CSMD1: variants seen among roughly 807,000 people sequenced by gnomAD.
The protein encoded by CSMD1 is CUB and Sushi multiple domains 1, also known as CUB and sushi domain-containing protein 1.
CSMD1 carries 213 observed loss-of-function variants against 417.5 expected under a neutral mutation model. The observed-to-expected ratio is 0.51, with a 90% CI of 0.46 to 0.57. CSMD1 has a LOEUF of 0.57. Ranked by LOEUF, CSMD1 falls within the 20% of genes least tolerant of loss-of-function variation. The pLI, the probability that CSMD1 is intolerant of heterozygous loss-of-function variation, is 0.00. For missense variants in CSMD1, 6,923 were observed against 4,529.7 expected (o/e 1.53, Z -15.17); for synonymous variants, 2,862 against 1,736.8 (o/e 1.65, Z -16.11).
At chr8:4,408,962 A>C (rs962351049) in intron 3 of CSMD1, among the ~76,000 whole-genome samples, 2 of 152,236 alleles carry the variant, frequency 1.3e-5, no homozygotes, top group African/African-American at 4.8e-5. Context: ...AAATTCAGAA[A>C]GGGAAATGAA....
Position 4,614,471 on chromosome 8 carries a change from T to A in CSMD1, c.302+22871A>T, listed in dbSNP as rs188688534. Among the ~76,000 whole-genome samples, 227 of 152,290 alleles carry A rather than the reference T, an allele frequency of 1.5e-3. 1 individual carries two copies. Among genetic ancestry groups the A allele is most frequent in the African/African-American group, 5.2e-3 (218 of 41,556 alleles). The stretch of plus-strand genomic sequence containing the variant: ...TTTTTATTTGGGCCTTAGTAAATTA[T>A]GTCACCTCTAAACTGATCTCTTTAT... On this transcript the variant is annotated intron_variant, in intron 2 of 69. Coordinates refer to ENST00000635120, the MANE Select transcript of CSMD1 (RefSeq NM_033225.6).
chr8:4,124,798 C>A (rs538353226), intron 3 of CSMD1, among the ~76,000 whole-genome samples: 1 of 152,274 alleles, frequency 6.6e-6, no homozygotes, highest in Admixed American at 6.5e-5. Context: ...GCTCTAGTTG[C>A]AGCCTGATGT....
chr8:4,942,592 A>T (rs1240595043), intron 1 of CSMD1, among the ~76,000 whole-genome samples: 1 of 152,232 alleles, frequency 6.6e-6, no homozygotes, highest in African/African-American at 2.4e-5. Flanking sequence ...TCTAATGACT[A>T]AGTCATCAAG....
intron 5 of CSMD1, among the ~76,000 whole-genome samples, chr8:3,849,119 T>C (rs1803705554): frequency 6.6e-6 from 1 of 152,072 alleles, no homozygotes; most frequent in African/African-American, 2.4e-5. Context: ...AAAGTTACAC[T>C]GAAAGACAAG....
chr8:3,836,735 C>T (rs1444576655), intron 5 of CSMD1, among the ~76,000 whole-genome samples: 1 of 151,980 alleles, frequency 6.6e-6, no homozygotes, highest in Non-Finnish European at 1.5e-5. Context: ...TTTCAAGAGA[C>T]AATGAAATTC....
intron 3 of CSMD1, among the ~76,000 whole-genome samples, chr8:4,064,499 T>C (rs910122335): frequency 1.3e-5 from 2 of 152,228 alleles, no homozygotes; most frequent in African/African-American, 2.4e-5. Context: ...TGCCTGCAAA[T>C]GTGAGGCAGG....
intron 30 of CSMD1, among the ~76,000 whole-genome samples, 168 bp downstream of exon 30, chr8:3,214,329 G>T (rs143835150): frequency 1.3e-5 from 2 of 152,128 alleles, no homozygotes; most frequent in Non-Finnish European, 2.9e-5. Flanking sequence ...CACACTAGCT[G>T]CATTAAATGA....
chr8:4,373,088 G>A (rs910918060), intron 3 of CSMD1, among the ~76,000 whole-genome samples: 20 of 152,160 alleles, frequency 1.3e-4, no homozygotes, highest in Non-Finnish European at 2.4e-4. Context: ...TGTGTGGTCT[G>A]TCTCCCAAAA....
chr8:3,631,107 A>C lies in CSMD1; in HGVS notation c.1010-14310T>G, dbSNP rs544327724. Among the ~76,000 whole-genome samples, 9 of 152,324 alleles carry C rather than the reference A, an allele frequency of 5.9e-5. No individual in the cohort carries two copies. The South Asian group carries it at 1.9e-3, about 32-fold the overall frequency. On this transcript the variant is annotated intron_variant, in intron 7 of 69. Transcript: ENST00000635120. ...GTCTTCCTGTCACAGCCTGCTCAGCACACAGGTATCAGCTCAGATGTCATC... is the reference window on the plus strand; with the variant it reads ...GTCTTCCTGTCACAGCCTGCTCAGCCCACAGGTATCAGCTCAGATGTCATC...
At chr8:3,850,831 G>GATAA (rs1258298749) in intron 5 of CSMD1, among the ~76,000 whole-genome samples, 2 of 152,104 alleles carry the variant, frequency 1.3e-5, no homozygotes, top group African/African-American at 4.8e-5. Context: ...GTTACTGAAG[G>GATAA]ATAAAAAATG....
chr8:4,909,073 G>C (rs1035005597), intron 1 of CSMD1, among the ~76,000 whole-genome samples: 8 of 152,210 alleles, frequency 5.3e-5, no homozygotes, highest in African/African-American at 1.9e-4. Context: ...TGTGTTAATC[G>C]GACTAGGAGT....
At chr8:3,473,630 A>T (rs934875509) in intron 11 of CSMD1, among the ~76,000 whole-genome samples, 2 of 152,216 alleles carry the variant, frequency 1.3e-5, no homozygotes, top group Non-Finnish European at 2.9e-5. Flanking sequence ...CCTGAAAAAT[A>T]AAATAGATAC....
chr8:3,135,357 G>A (rs1275665484), intron 41 of CSMD1, among the ~76,000 whole-genome samples: 3 of 152,214 alleles, frequency 2.0e-5, no homozygotes, highest in South Asian at 4.1e-4. Context: ...CATGGCATAT[G>A]TATTATGTTG....
chr8:3,765,862 G>T, intron 5 of CSMD1, among the ~76,000 whole-genome samples: 1 of 152,192 alleles, frequency 6.6e-6, no homozygotes, highest in Non-Finnish European at 1.5e-5. Context: ...AGAAAGAGGA[G>T]GATGACAGCA....
chr8:3,494,373 C>G (rs975580150), intron 10 of CSMD1, among the ~76,000 whole-genome samples: 3 of 151,980 alleles, frequency 2.0e-5, no homozygotes, highest in Admixed American at 6.6e-5. Flanking sequence ...ATCTTTTTCT[C>G]CTGAAAGAAG....
chr8:3,307,880 A>T, intron 24 of CSMD1, 59 bp from the exon 25 acceptor site: 2 of 1,571,944 alleles, frequency 1.3e-6, no homozygotes, highest in Non-Finnish European at 1.7e-6. Context: ...GTTTCTATTT[A>T]GCTACTTTTC....
chr8:3,817,060 G>A (rs1466045690), intron 5 of CSMD1, among the ~76,000 whole-genome samples: 5 of 151,952 alleles, frequency 3.3e-5, no homozygotes, highest in African/African-American at 7.2e-5. Context: ...GAAACAGGGT[G>A]AAGGAAGATA....
intron 52 of CSMD1, among the ~76,000 whole-genome samples, chr8:3,009,599 T>A (rs1309150201): frequency 6.6e-6 from 1 of 152,236 alleles, no homozygotes; most frequent in East Asian, 1.9e-4. Context: ...TGAAGTCTCT[T>A]GATCTCCATA....
At chr8:3,315,381 T>C (rs1584985443) in intron 23 of CSMD1, among the ~76,000 whole-genome samples, 1 of 152,112 alleles carries the variant, frequency 6.6e-6, no homozygotes, top group African/African-American at 2.4e-5. Flanking sequence ...TGTGTGATTG[T>C]TCCATGTTTT....
Sources: allele counts gnomAD v4.1 joint callset (sites outside exome capture counted in the v4.1 genomes callset), GRCh38; gene constraint gnomAD v4.1.1; transcripts MANE v1.5; gene names NCBI Gene and HGNC (gene_info 2026-07-23, HGNC 2026-07-21).